Variants in DENND5A observed in about 807,000 individuals in gnomAD.
DENND5A encodes the protein DENN domain containing 5A.
Under a neutral mutation model 140.3 loss-of-function variants are expected in DENND5A, and 64 were observed. The observed-to-expected ratio is 0.46, with a 90% confidence interval of 0.37 to 0.56. The LOEUF (loss-of-function observed/expected upper bound fraction) is 0.56, where lower values mean the gene tolerates loss of function less well. Among genes scored for constraint, DENND5A ranks in the 20% least tolerant of loss-of-function variants. DENND5A has a pLI of 0.00. For missense variants in DENND5A, 1,292 were observed against 1,593.8 expected (o/e 0.81, Z 3.22); for synonymous variants, 605 against 607.7 (o/e 1.00, Z 0.07).
In DENND5A at chr11:9,143,415, C is replaced by T; in HGVS notation, c.3375G>A (p.Lys1125=). 3 of 1,614,064 alleles carry T rather than the reference C, an allele frequency of 1.9e-6. No homozygotes were observed. Among genetic ancestry groups the T allele is most frequent in the South Asian group, 1.1e-5 (1 of 91,090 alleles). Residue 1125 remains lysine, a synonymous_variant, in exon 20 of 23, where the codon AAG becomes AAA. Coordinates refer to ENST00000328194, the MANE Select transcript of DENND5A (RefSeq NM_015213.4). ...AVNGIVKHFH[K]PEKERGSLTL... is the part of the protein sequence containing the mutation. ...CAGGAAGGCTCACCTCTTTCTCAGG[C>T]TTATGGAAGTGCTTCACAATGCCAT...
At chr11:9,180,057 A>G (rs923125170) in intron 6 of DENND5A, among the ~76,000 whole-genome samples, 1 of 152,194 alleles carries the variant, frequency 6.6e-6, no homozygotes, top group Non-Finnish European at 1.5e-5. Context: ...TAGGCATTTA[A>G]TCTTGGGCAA....
At chr11:9,228,505 T>C (rs1287633638) in intron 1 of DENND5A, among the ~76,000 whole-genome samples, 1 of 152,062 alleles carries the variant, frequency 6.6e-6, no homozygotes, top group African/African-American at 2.4e-5. Context: ...TCCTGGCACT[T>C]TGGGAGGCCA....
chr11:9,250,344 TAAAG>T (rs1851668701), intron 1 of DENND5A, among the ~76,000 whole-genome samples: 1 of 151,488 alleles, frequency 6.6e-6, no homozygotes, highest in East Asian at 1.9e-4. Context: ...CCAGAACTGA[TAAAG>T]AGTGGGGAAA....
chr11:9,178,457 C>T (rs1371600219), intron 7 of DENND5A, 91 bp from the exon 8 acceptor site: 1 of 762,248 alleles, frequency 1.3e-6, no homozygotes, highest in South Asian at 1.7e-5. Flanking sequence ...TTCTCTGAGG[C>T]TGCCTAGGTC....
intron 12 of DENND5A, among the ~76,000 whole-genome samples, chr11:9,154,381 GA>G (rs2136129393): frequency 6.6e-6 from 1 of 152,250 alleles, no homozygotes; most frequent in African/African-American, 2.4e-5. Flanking sequence ...AGATGCTTCT[GA>G]AAAGATCATT....
intron 1 of DENND5A, among the ~76,000 whole-genome samples, chr11:9,249,894 C>G (rs1165967480): frequency 6.6e-6 from 1 of 151,936 alleles, no homozygotes; most frequent in Non-Finnish European, 1.5e-5. Flanking sequence ...ACTACGTTGC[C>G]CGGGCTAGCC....
At chr11:9,169,979 T>C in intron 9 of DENND5A, 30 bp from the exon 10 acceptor site, 1 of 1,467,790 alleles carries the variant, frequency 6.8e-7, no homozygotes, top group South Asian at 1.1e-5. Flanking sequence ...AGCAGGCAAT[T>C]AATAATGTCT....
intron 10 of DENND5A, among the ~76,000 whole-genome samples, chr11:9,169,497 A>ACGCACG (rs55809173): frequency 7.8e-6 from 1 of 127,988 alleles, no homozygotes; most frequent in Admixed American, 7.5e-5. Flanking sequence ...ATACACACGC[A>ACGCACG]CACACACACA....
chr11:9,234,489 G>C (rs1850916021), intron 1 of DENND5A, among the ~76,000 whole-genome samples: 1 of 152,136 alleles, frequency 6.6e-6, no homozygotes, highest in Admixed American at 6.5e-5. Context: ...TGAGGATATG[G>C]AGAAAGTGGA....
intron 1 of DENND5A, among the ~76,000 whole-genome samples, chr11:9,222,194 A>C (rs1004272022): frequency 6.6e-6 from 1 of 152,224 alleles, no homozygotes; most frequent in African/African-American, 2.4e-5. Context: ...TTATCAATGC[A>C]TGGCTAATCT....
At chr11:9,209,833 C>T (rs562148590) in intron 1 of DENND5A, among the ~76,000 whole-genome samples, 8 of 152,164 alleles carry the variant, frequency 5.3e-5, no homozygotes, top group Admixed American at 3.9e-4. Flanking sequence ...GGGCTGGGCA[C>T]GGTGGCTCAT....
At chr11:9,247,229 T>C (rs1487207951) in intron 1 of DENND5A, among the ~76,000 whole-genome samples, 1 of 126,796 alleles carries the variant, frequency 7.9e-6, no homozygotes, top group East Asian at 2.3e-4. Context: ...GACTCCGTCT[T>C]AAAAAAAAAA....
chr11:9,153,195 C>T (rs554694679), intron 12 of DENND5A, among the ~76,000 whole-genome samples: 3 of 149,598 alleles, frequency 2.0e-5, no homozygotes, highest in Non-Finnish European at 4.4e-5. Flanking sequence ...CACACGCCTG[C>T]TGTCCCAGCT....
intron 11 of DENND5A, among the ~76,000 whole-genome samples, chr11:9,164,056 G>GTTTTTTTTTTTTTTTTTTTTTTTTT (rs768604681): frequency 1.7e-5 from 1 of 57,958 alleles, no homozygotes; most frequent in African/African-American, 6.4e-5. Context: ...TATTAATCAG[G>GTTTTTTTTTTTTTTTTTTTTTTTTT]TTTTTTTTTT....
chr11:9,150,053 G>A (rs766771609), intron 15 of DENND5A, 28 bp downstream of exon 15: 2 of 1,593,534 alleles, frequency 1.3e-6, no homozygotes, highest in East Asian at 2.2e-5. Flanking sequence ...CTGGGAGCCT[G>A]CTTCTACTCC....
intron 4 of DENND5A, among the ~76,000 whole-genome samples, chr11:9,198,394 C>T (rs1404438800): frequency 6.6e-6 from 1 of 151,300 alleles, no homozygotes; most frequent in Non-Finnish European, 1.5e-5. Flanking sequence ...GGGTGGATCA[C>T]GAGGTCAAGA....
chr11:9,179,500 CTTTT>C (rs55812362), intron 6 of DENND5A, among the ~76,000 whole-genome samples: 1 of 138,500 alleles, frequency 7.2e-6, no homozygotes, highest in Non-Finnish European at 1.6e-5. Context: ...GCAAAAAAAC[CTTTT>C]TTTTTTTTTT....
intron 1 of DENND5A, among the ~76,000 whole-genome samples, chr11:9,232,110 A>C (rs1850797888): frequency 1.3e-5 from 2 of 152,148 alleles, no homozygotes; most frequent in South Asian, 4.1e-4. Context: ...TAGCCCTAGG[A>C]CTGTAGATCT....
chr11:9,175,168 T>G (rs1195254680), intron 8 of DENND5A: 1 of 152,172 alleles, frequency 6.6e-6, no homozygotes, highest in Admixed American at 6.5e-5. Context: ...ATTATAGTTC[T>G]ATATACTAGC....
Sources: allele counts gnomAD v4.1 joint callset (sites outside exome capture counted in the v4.1 genomes callset), GRCh38; gene constraint gnomAD v4.1.1; transcripts MANE v1.5; gene names NCBI Gene and HGNC (gene_info 2026-07-23, HGNC 2026-07-21).